The following MERTK variants were observed in gnomAD, a reference collection of about 807,000 sequenced individuals.
MERTK encodes tyrosine-protein kinase Mer.
In MERTK, 69 loss-of-function variants were observed where a neutral mutation model predicts 99.3. The ratio of observed to expected loss-of-function variants is 0.70; its 90% CI spans 0.57 to 0.85. MERTK has a LOEUF of 0.85. MERTK is among the 40% of genes least tolerant of loss of function. The probability of loss-of-function intolerance (pLI) is 0.00; values close to 1 mark genes in which losing one functional copy is unlikely to be tolerated. For missense variants in MERTK, 1,125 were observed against 1,249.4 expected (o/e 0.90, Z 1.50); for synonymous variants, 426 against 467.6 (o/e 0.91, Z 1.15).
Position 112,029,401 on chromosome 2 carries a change from A to AATT in MERTK, c.*537_*538insATT. On this transcript the variant is annotated 3_prime_UTR_variant, in exon 19 of 19. Transcript: ENST00000295408. ...TGAACTTACTTGAGACTTGAAAGAC[A>AATT]GTGGTCGGCAGCGGCCTTGTGGCCT... 1.1e-6 allele frequency: 1 copy of AATT among 905,450 alleles called. No individual in the cohort carries two copies. The highest frequency in any genetic ancestry group is 5.1e-5 in the South Asian group (1 of 19,652). 56.1% of individuals were successfully genotyped at this position (905,450 alleles called of 1,614,324 possible). A position where few individuals can be genotyped will look rare whatever the true frequency, so the allele number is the denominator to read the frequency against.
Position 112,022,292 on chromosome 2 carries a change from C to T in MERTK, c.2384C>T (p.Thr795Met), listed in dbSNP as rs1326116803. 12 of 1,614,074 alleles carry T rather than the reference C, an allele frequency of 7.4e-6. No individual in the cohort carries two copies. Among genetic ancestry groups the T allele is most frequent in the Admixed American group, 5.0e-5 (3 of 60,004 alleles). Residue 795 changes from threonine to methionine, a missense_variant, in exon 18 of 19, where the codon ACG becomes ATG. Physicochemically the swap from Thr to Met is moderately conservative, Grantham distance 81. Coordinates refer to ENST00000295408, the MANE Select transcript of MERTK (RefSeq NM_006343.3). ...AFGVTMWEIATRGMTPYPGVQ... is the reference protein window; with the variant it reads ...AFGVTMWEIAMRGMTPYPGVQ... ...GGCGTGACCATGTGGGAAATAGCTACGCGGGGAATGACTCCCTATCCTGGG... is the reference window on the plus strand; with the variant it reads ...GGCGTGACCATGTGGGAAATAGCTATGCGGGGAATGACTCCCTATCCTGGG...
chr2:112,023,025 C>G (rs1040944931), intron 18 of MERTK, among the ~76,000 whole-genome samples: 2 of 152,114 alleles, frequency 1.3e-5, no homozygotes, highest in East Asian at 3.9e-4. Context: ...TGCACGTTAT[C>G]CCAACACTTT....
chr2:111,937,923 A>T (rs1172987350), intron 2 of MERTK, among the ~76,000 whole-genome samples: 2 of 152,078 alleles, frequency 1.3e-5, no homozygotes, highest in Non-Finnish European at 2.9e-5. Context: ...ATGGTAAAAC[A>T]TATATATAAC....
chr2:112,013,060 T>C (rs1677139618), intron 15 of MERTK, among the ~76,000 whole-genome samples: 1 of 152,102 alleles, frequency 6.6e-6, no homozygotes, highest in Non-Finnish European at 1.5e-5. Flanking sequence ...TTTCTCTTCT[T>C]CCTAGGGACA....
At chr2:111,924,316 A>G (rs1684515981) in intron 1 of MERTK, among the ~76,000 whole-genome samples, 1 of 152,226 alleles carries the variant, frequency 6.6e-6, no homozygotes, top group Non-Finnish European at 1.5e-5. Context: ...CCCTGTGAGC[A>G]AACTGAGCCT....
chr2:111,916,978 C>G (rs572003076), intron 1 of MERTK, among the ~76,000 whole-genome samples: 2 of 152,154 alleles, frequency 1.3e-5, no homozygotes, highest in African/African-American at 4.8e-5. Flanking sequence ...CGGCTCCCCA[C>G]CAGGCTTCCA....
At chr2:111,988,542 A>G (rs1278519388) in intron 8 of MERTK, among the ~76,000 whole-genome samples, 1 of 152,232 alleles carries the variant, frequency 6.6e-6, no homozygotes, top group Non-Finnish European at 1.5e-5. Flanking sequence ...AAGAAGACCC[A>G]ACTGTAGCAC....
At chr2:111,959,176 A>G (rs997293421) in intron 4 of MERTK, among the ~76,000 whole-genome samples, 5 of 152,142 alleles carry the variant, frequency 3.3e-5, no homozygotes. Context: ...CATGAAAATC[A>G]AAGTGTTAAA....
At chr2:111,911,689 C>CTTTTTTTTTTTTT in intron 1 of MERTK, among the ~76,000 whole-genome samples, 1 of 57,730 alleles carries the variant, frequency 1.7e-5, no homozygotes, top group South Asian at 7.4e-4. Context: ...AGCGCCCAGC[C>CTTTTTTTTTTTTT]TTTTTTTTTT....
chr2:111,907,865 G>A (rs759212009), intron 1 of MERTK, among the ~76,000 whole-genome samples: 2 of 152,234 alleles, frequency 1.3e-5, no homozygotes, highest in African/African-American at 4.8e-5. Flanking sequence ...GGGTTCTCAA[G>A]AAGAGGTATG....
intron 8 of MERTK, among the ~76,000 whole-genome samples, chr2:111,984,055 G>C (rs1676424008): frequency 6.6e-6 from 1 of 152,222 alleles, no homozygotes; most frequent in South Asian, 2.1e-4. Context: ...CCATCTGGAA[G>C]CTGGAGACCC....
chr2:111,937,928 T>C (rs900246216), intron 2 of MERTK, among the ~76,000 whole-genome samples: 21 of 152,136 alleles, frequency 1.4e-4, no homozygotes, highest in African/African-American at 5.1e-4. Context: ...AAAACATATA[T>C]ATAACATAAA....
At chr2:112,001,329 G>A (rs1467367545) in intron 11 of MERTK, 43 bp downstream of exon 11, 1 of 1,454,606 alleles carries the variant, frequency 6.9e-7, no homozygotes. Context: ...AGTTAAAATA[G>A]TTGAGAACAA....
At chr2:112,019,360 C>T in intron 15 of MERTK, 53 bp from the exon 16 acceptor site, 1 of 1,390,134 alleles carries the variant, frequency 7.2e-7, no homozygotes, top group Non-Finnish European at 1.0e-6. Flanking sequence ...AAACTGCTTG[C>T]AAGTTTTCCT....
intron 1 of MERTK, among the ~76,000 whole-genome samples, chr2:111,925,292 A>ATTTTTTTTTTTTTTTTTT: frequency 4.1e-5 from 1 of 24,488 alleles, no homozygotes; most frequent in Non-Finnish European, 7.3e-5. Context: ...ATATATATAT[A>ATTTTTTTTTTTTTTTTTT]TTTTTTTTTT....
chr2:112,023,651 C>T (rs1677403142), intron 18 of MERTK, among the ~76,000 whole-genome samples: 1 of 152,164 alleles, frequency 6.6e-6, no homozygotes, highest in African/African-American at 2.4e-5. Context: ...CTCCCCCAAG[C>T]ACTTTGCTGA....
chr2:111,985,584 G>A (rs969613435), intron 8 of MERTK, among the ~76,000 whole-genome samples: 2 of 152,106 alleles, frequency 1.3e-5, no homozygotes, highest in African/African-American at 4.8e-5. Flanking sequence ...AGAAAAATAG[G>A]TTTAATGGAC....
chr2:111,969,661 C>T (rs1676043816), intron 6 of MERTK, among the ~76,000 whole-genome samples: 1 of 151,414 alleles, frequency 6.6e-6, no homozygotes, highest in South Asian at 2.1e-4. Context: ...AAAATAGCCT[C>T]CGCCCTCACC....
chr2:111,917,463 T>C (rs973285724), intron 1 of MERTK, among the ~76,000 whole-genome samples: 3 of 152,234 alleles, frequency 2.0e-5, no homozygotes, highest in Admixed American at 6.5e-5. Context: ...GCCCCTTTCC[T>C]TGTCTTTAGC....
Sources: gnomAD v4.1 joint callset for allele counts (sites outside exome capture counted in the v4.1 genomes callset) on GRCh38, gnomAD v4.1.1 for gene constraint, MANE v1.5 for transcripts, NCBI Gene and HGNC (gene_info 2026-07-23, HGNC 2026-07-21) for gene names.